Variants in MTR observed in about 807,000 individuals in gnomAD.
MTR encodes the protein 5-methyltetrahydrofolate-homocysteine methyltransferase.
A neutral mutation model predicts 154.8 loss-of-function variants in MTR; 84 were observed. The ratio of observed to expected loss-of-function variants is 0.54; its 90% CI spans 0.45 to 0.65. MTR has a LOEUF of 0.65. Among genes scored for constraint, MTR ranks in the 30% least tolerant of loss-of-function variants. MTR has a pLI of 0.00. For missense variants in MTR, 1,275 were observed against 1,570.2 expected (o/e 0.81, Z 3.18); for synonymous variants, 554 against 553.9 (o/e 1.00, Z 0.00).
intron 7 of MTR, 116 bp from the exon 8 acceptor site, chr1:236,816,333 A>G (rs1661590826): frequency 2.2e-6 from 2 of 902,602 alleles, no homozygotes; most frequent in African/African-American, 1.6e-5. Context: ...TGAGTTCCAC[A>G]TTTCTTTTCC....
chr1:236,840,824 C>T (rs1663187590), intron 15 of MTR, among the ~76,000 whole-genome samples: 1 of 152,124 alleles, frequency 6.6e-6, no homozygotes, highest in South Asian at 2.1e-4. Flanking sequence ...AATGAATATC[C>T]TAATTCATGC....
intron 15 of MTR, among the ~76,000 whole-genome samples, chr1:236,842,734 G>A (rs1663327824): frequency 6.7e-6 from 1 of 150,106 alleles, no homozygotes; most frequent in Middle Eastern, 3.5e-3. Flanking sequence ...GTCCTTGCAC[G>A]ATTTATATTC....
At chr1:236,836,521 C>A (rs1380799013) in intron 14 of MTR, among the ~76,000 whole-genome samples, 2 of 152,124 alleles carry the variant, frequency 1.3e-5, no homozygotes, top group Admixed American at 1.3e-4. Flanking sequence ...CAGTTGTGAG[C>A]CATTGTGCCT....
chr1:236,837,591 A>G (rs1662982065), intron 14 of MTR, among the ~76,000 whole-genome samples: 1 of 152,176 alleles, frequency 6.6e-6, no homozygotes, highest in South Asian at 2.1e-4. Context: ...TATTTATTGA[A>G]TGGCTTAATT....
chr1:236,836,910 C>T lies in MTR; in HGVS notation c.1329+1223C>T, dbSNP rs542345840. Among the ~76,000 whole-genome samples the T allele has an allele frequency of 3.3e-5, 5 of 152,298 alleles. No homozygotes were observed. The East Asian group carries it at 5.8e-4, about 18-fold the overall frequency. On this transcript the variant is annotated intron_variant, in intron 14 of 32. Transcript: ENST00000366577. ...AATGGACTATTGACCCTACTTTCCT[C>T]ATCTCTAAAATGGGATCATCAAACC...
In MTR at chr1:236,886,340, A is replaced by G. The variant is rs764978192; in HGVS notation, c.2824A>G (p.Met942Val). 6.2e-7 allele frequency: 1 copy of G among 1,614,156 alleles called. No homozygotes were observed. The highest frequency in any genetic ancestry group is 1.1e-5 in the South Asian group (1 of 91,088). ...LSQARKSGFQ[M>V]DWLSEPHPVK... ...TCAAGCCAGAAAAAGTGGTTTCCAA[A>G]TGGATTGGCTGTCTGAACCTCACCC... is the stretch of plus-strand genomic sequence containing the variant. Residue 942 changes from methionine (M) to valine (V), a missense_variant, in exon 27 of 33, where the codon ATG (methionine) becomes GTG (valine). Met to Val is a conservative substitution (Grantham distance 21). Transcript: ENST00000366577.
At chr1:236,856,094 CT>C (rs1462870040) in intron 18 of MTR, among the ~76,000 whole-genome samples, 1 of 152,208 alleles carries the variant, frequency 6.6e-6, no homozygotes, top group African/African-American at 2.4e-5. Context: ...TTTGTAGCCT[CT>C]TTTGCCTCTG....
rs371534194 is a variant in MTR, at chr1:236,850,533, G to A, written c.1695+10G>A. 51 of 1,612,566 alleles carry A rather than the reference G, an allele frequency of 3.2e-5. No individual in the cohort carries two copies. The highest frequency in any genetic ancestry group is 4.2e-5 in the Non-Finnish European group (50 of 1,179,036). On this transcript the variant is annotated intron_variant, in intron 16 of 32. Transcript: ENST00000366577. ...AACAAAAGTCATTAAAGTAAGTGTA[G>A]GCATGTTCTCTCCCAAGTCATGGCT...
Position 236,870,438 on chromosome 1 carries a change from C to T in MTR, c.2406-3335C>T, listed in dbSNP as rs116073138. On this transcript the variant is annotated intron_variant, in intron 22 of 32. Transcript: ENST00000366577. ...GTCTTCACTGTCTAGATGTGTGTTT[C>T]TCAAACTGTAATGTACCTTCTTGTC... Among the ~76,000 whole-genome samples, 318 of 152,284 alleles carry T rather than the reference C, an allele frequency of 2.1e-3. 2 individuals carry two copies. Among genetic ancestry groups the T allele is most frequent in the African/African-American group, 7.3e-3 (304 of 41,546 alleles).
At chr1:236,806,263 G>A (rs773235792) in intron 3 of MTR, 30 bp downstream of exon 3, 2 of 1,573,456 alleles carry the variant, frequency 1.3e-6, no homozygotes, top group South Asian at 2.2e-5. Context: ...ATGTGTCTAA[G>A]ATGCTTACGA....
At chr1:236,832,230 T>G (rs1405279699) in intron 13 of MTR, 152 bp downstream of exon 13, 2 of 734,198 alleles carry the variant, frequency 2.7e-6, no homozygotes, top group Non-Finnish European at 4.8e-6. Flanking sequence ...CAGACTGGGC[T>G]GGTGGGAGGA....
intron 22 of MTR, among the ~76,000 whole-genome samples, chr1:236,872,778 G>T (rs1433915702): frequency 6.6e-6 from 1 of 152,160 alleles, no homozygotes; most frequent in East Asian, 1.9e-4. Context: ...AGCCGAGGTG[G>T]GAGGATCACT....
chr1:236,800,247 G>A (rs1660632301), intron 1 of MTR: 2 of 985,292 alleles, frequency 2.0e-6, no homozygotes, highest in African/African-American at 3.5e-5. Flanking sequence ...TTTTGCCGAT[G>A]CCAAAGGACA....
In MTR at chr1:236,874,729, T is replaced by G. The variant is rs1314739737; in HGVS notation, c.2477T>G (p.Ile826Arg). Reference sequence around the variant, plus strand: ...TTTTTAAAAAAAAAAAAAATAGATATAATTGGCCTGTCAGGACTCATCACT... The same window carrying G: ...TTTTTAAAAAAAAAAAAAATAGATAGAATTGGCCTGTCAGGACTCATCACT... ...LKAALDHKAD[I>R]IGLSGLITPS... Residue 826 changes from isoleucine (I) to arginine (R), a missense_variant, in exon 24 of 33, where the codon ATA becomes AGA. Ile to Arg is a moderately conservative substitution (Grantham distance 97). Transcript: ENST00000366577. 1 of 1,588,144 alleles carries G rather than the reference T, an allele frequency of 6.3e-7. No individual in the cohort carries two copies. The highest frequency in any genetic ancestry group is 8.6e-7 in the Non-Finnish European group (1 of 1,166,772).
intron 1 of MTR, among the ~76,000 whole-genome samples, chr1:236,801,085 A>C (rs927460001): frequency 2.0e-5 from 3 of 152,152 alleles, no homozygotes; most frequent in Admixed American, 2.0e-4. Flanking sequence ...TACCGTGTCG[A>C]CTATAGCTTG....
At chr1:236,850,653 T>C (rs1663844022) in intron 16 of MTR, 130 bp downstream of exon 16, 2 of 939,864 alleles carry the variant, frequency 2.1e-6, no homozygotes, top group Non-Finnish European at 3.3e-6. Context: ...AAATTGTTTT[T>C]CTGAAATGTA....
chr1:236,856,132 T>C (rs751483381), intron 18 of MTR, among the ~76,000 whole-genome samples: 3 of 152,174 alleles, frequency 2.0e-5, no homozygotes, highest in Non-Finnish European at 2.9e-5. Flanking sequence ...TTTTGCTCCC[T>C]TCCCACCCCA....
At chr1:236,868,206 G>A (rs1301779200) in intron 22 of MTR, among the ~76,000 whole-genome samples, 1 of 152,122 alleles carries the variant, frequency 6.6e-6, no homozygotes, top group Non-Finnish European at 1.5e-5. Context: ...CAGCAGCCAT[G>A]AACATCAAGT....
At chr1:236,830,282 CAG>C (rs1322849033) in intron 12 of MTR, among the ~76,000 whole-genome samples, 1 of 151,740 alleles carries the variant, frequency 6.6e-6, no homozygotes, top group Non-Finnish European at 1.5e-5. Flanking sequence ...TGGCTTTTAT[CAG>C]AGAGAGGTGT....
Sources: gnomAD v4.1 joint callset for allele counts (sites outside exome capture counted in the v4.1 genomes callset) on GRCh38, gnomAD v4.1.1 for gene constraint, MANE v1.5 for transcripts, NCBI Gene and HGNC (gene_info 2026-07-23, HGNC 2026-07-21) for gene names.